SLC25A33: variants seen among roughly 807,000 people sequenced by gnomAD.
SLC25A33 encodes the protein bone marrow stromal cell mitochondrial carrier protein.
Under a neutral mutation model 35.5 loss-of-function variants are expected in SLC25A33, and 15 were observed. That is an observed-to-expected ratio of 0.42 (90% CI 0.28 to 0.65). SLC25A33 has a LOEUF of 0.65. Among genes scored for constraint, SLC25A33 ranks in the 30% least tolerant of loss-of-function variants. The pLI is 0.20. For synonymous variants in SLC25A33, 136 were observed against 148.7 expected, an observed-to-expected ratio of 0.91 and a Z score of 0.62; for missense variants, 257 against 398.5, an observed-to-expected ratio of 0.64 and a Z score of 3.02.
chr1:9,571,394 AG>A lies in SLC25A33; in HGVS notation c.415+1039del, dbSNP rs532209259. The stretch of plus-strand genomic sequence containing the variant: ...CTGCAACCTCCGCCTCCTGGGCTCA[AG>A]GGATTCTCCTGTCTCAGCCTCCCGA... On this transcript the variant is annotated intron_variant, in intron 4 of 6. Coordinates refer to ENST00000302692, the MANE Select transcript of SLC25A33 (RefSeq NM_032315.3). Among the ~76,000 whole-genome samples the A allele has an allele frequency of 4.5e-3, 679 of 152,248 alleles. 1 individual carries two copies. The highest frequency in any genetic ancestry group is 7.0e-3 in the Non-Finnish European group (474 of 68,006).
intron 2 of SLC25A33, among the ~76,000 whole-genome samples, chr1:9,564,505 G>T (rs1055058418): frequency 6.6e-6 from 1 of 151,830 alleles, no homozygotes; most frequent in African/African-American, 2.4e-5. Context: ...TAGCCAAAAC[G>T]TGGAAGCAAC....
chr1:9,559,093 G>C (rs1390097147), intron 2 of SLC25A33, among the ~76,000 whole-genome samples: 2 of 152,176 alleles, frequency 1.3e-5, no homozygotes, highest in African/African-American at 4.8e-5. Context: ...GACGTCCGCT[G>C]TCATCACCTT....
At chr1:9,577,908 A>G (rs1047015033) in intron 5 of SLC25A33, among the ~76,000 whole-genome samples, 2 of 152,074 alleles carry the variant, frequency 1.3e-5, no homozygotes, top group African/African-American at 4.8e-5. Flanking sequence ...AATAGCGCCA[A>G]GGGTGAGAAA....
chr1:9,584,245 G>A lies in SLC25A33; in HGVS notation c.*1744G>A, dbSNP rs1015496954. On this transcript the variant is annotated 3_prime_UTR_variant, in exon 7 of 7. Transcript: ENST00000302692. Reference sequence around the variant, plus strand: ...GACACCCTGGTAGGGTTAAGAGGAGGATATTTCCAAGTTATTTTAAATTGA... The same window carrying A: ...GACACCCTGGTAGGGTTAAGAGGAGAATATTTCCAAGTTATTTTAAATTGA... The A allele has an allele frequency of 6.6e-6, 1 of 152,144 alleles. No individual in the cohort carries two copies. The highest frequency in any genetic ancestry group is 2.4e-5 in the African/African-American group (1 of 41,442). The allele number at this position is 152,144 out of a possible 1,614,324, so 9.4% of individuals were successfully genotyped here.
chr1:9,576,571 A>G, intron 5 of SLC25A33: 1 of 559,860 alleles, frequency 1.8e-6, no homozygotes. Flanking sequence ...CAGTCTAAAG[A>G]GGCTCTGGAG....
Position 9,570,219 on chromosome 1 carries a change from T to C in SLC25A33, c.315-39T>C, listed in dbSNP as rs200035094. The C allele has an allele frequency of 8.9e-6, 14 of 1,570,996 alleles. No individual in the cohort carries two copies. In the East Asian group the frequency reaches 3.2e-4, roughly 35 times the overall value. On this transcript the variant is annotated intron_variant, in intron 3 of 6. Coordinates refer to ENST00000302692, the MANE Select transcript of SLC25A33 (RefSeq NM_032315.3). The stretch of plus-strand genomic sequence containing the variant: ...TCTGGAGGGACGTATAAAGTTGCAC[T>C]GTGATGATTTCTTTATAATGTTCTC...
intron 6 of SLC25A33, 43 bp downstream of exon 6, chr1:9,580,277 C>CA (rs1224441390): frequency 5.0e-6 from 8 of 1,593,294 alleles, no homozygotes; most frequent in African/African-American, 4.1e-5. Flanking sequence ...AAACAGCTGT[C>CA]ACGTTTGTTG....
intron 1 of SLC25A33, among the ~76,000 whole-genome samples, chr1:9,544,710 G>A (rs12045459): frequency 0.15 from 22,735 of 152,130 alleles, 1,841 homozygotes; most frequent in East Asian, 0.29. Flanking sequence ...AGGATGTCTG[G>A]CAGTATCATT....
intron 2 of SLC25A33, among the ~76,000 whole-genome samples, chr1:9,562,377 G>A (rs1003438419): frequency 2.0e-5 from 3 of 151,250 alleles, no homozygotes; most frequent in South Asian, 4.2e-4. Flanking sequence ...TTAGCAGGAC[G>A]TGGTGGCTGT....
chr1:9,566,780 A>T (rs1250777727), intron 2 of SLC25A33, among the ~76,000 whole-genome samples: 4 of 152,172 alleles, frequency 2.6e-5, no homozygotes, highest in Admixed American at 2.6e-4. Flanking sequence ...TGGGGGGCGG[A>T]AGTTGCAGTG....
At chr1:9,577,232 C>T (rs1455968391) in intron 5 of SLC25A33, among the ~76,000 whole-genome samples, 2 of 152,070 alleles carry the variant, frequency 1.3e-5, no homozygotes, top group Admixed American at 6.6e-5. Context: ...CCGAGGTGTG[C>T]GGATCACTTG....
chr1:9,543,305 G>A (rs572884958), intron 1 of SLC25A33, among the ~76,000 whole-genome samples: 4 of 151,914 alleles, frequency 2.6e-5, no homozygotes, highest in South Asian at 2.1e-4. Context: ...CACCACGCCC[G>A]GCTAATTTTT....
chr1:9,570,868 A>C (rs1331404334), intron 4 of SLC25A33, among the ~76,000 whole-genome samples: 4 of 151,912 alleles, frequency 2.6e-5, no homozygotes, highest in Non-Finnish European at 5.9e-5. Flanking sequence ...ATTTGCCACC[A>C]TGCCTGGCTA....
chr1:9,579,758 C>A lies in SLC25A33; in HGVS notation c.483-196C>A, dbSNP rs551131746. On this transcript the variant is annotated intron_variant, in intron 5 of 6. Transcript: ENST00000302692. ...GGCCTTGGGGCAGGTGAAAGGAGATCAAGGGACTGTCAGAGGCTGCCCCTG... is the reference window on the plus strand; with the variant it reads ...GGCCTTGGGGCAGGTGAAAGGAGATAAAGGGACTGTCAGAGGCTGCCCCTG... Among the ~76,000 whole-genome samples, 8 of 152,282 alleles carry A rather than the reference C, an allele frequency of 5.3e-5. No individual in the cohort carries two copies. The East Asian group carries it at 1.5e-3, about 29-fold the overall frequency.
chr1:9,555,262 T>C (rs752178959), intron 2 of SLC25A33, among the ~76,000 whole-genome samples: 22 of 151,608 alleles, frequency 1.5e-4, no homozygotes, highest in African/African-American at 2.4e-4. Context: ...GGACTGCAGG[T>C]GCCCGCCATC....
chr1:9,567,203 TA>T, intron 2 of SLC25A33, 80 bp from the exon 3 acceptor site: 1 of 1,139,018 alleles, frequency 8.8e-7, no homozygotes, highest in Non-Finnish European at 1.3e-6. Flanking sequence ...CTCAAGGAAC[TA>T]ATGAGAAGGT....
chr1:9,552,988 G>T (rs1036261680), intron 1 of SLC25A33, among the ~76,000 whole-genome samples: 8 of 129,976 alleles, frequency 6.2e-5, no homozygotes, highest in African/African-American at 1.5e-4. Flanking sequence ...CAAGATCTCC[G>T]CTCACTGCAA....
intron 2 of SLC25A33, among the ~76,000 whole-genome samples, chr1:9,564,739 A>AAAAAAAAAATAT (rs60174872): frequency 2.1e-5 from 2 of 96,584 alleles, no homozygotes; most frequent in African/African-American, 8.8e-5. Context: ...AAAAAAAAAA[A>AAAAAAAAAATAT]ATATATATAT....
At chr1:9,564,643 T>G (rs1018352481) in intron 2 of SLC25A33, among the ~76,000 whole-genome samples, 1 of 150,408 alleles carries the variant, frequency 6.6e-6, no homozygotes, top group Non-Finnish European at 1.5e-5. Flanking sequence ...TCCCAGCACT[T>G]AGTAAGGCCA....
Sources: gnomAD v4.1 joint callset for allele counts (sites outside exome capture counted in the v4.1 genomes callset) on GRCh38, gnomAD v4.1.1 for gene constraint, MANE v1.5 for transcripts, NCBI Gene and HGNC (gene_info 2026-07-23, HGNC 2026-07-21) for gene names.